Variants in RTL5 observed in about 807,000 individuals in gnomAD.
RTL5 encodes the protein retrotransposon Gag like 5.
Under a neutral mutation model 7.7 loss-of-function variants are expected in RTL5, and 8 were observed. The observed-to-expected ratio is 1.04, with a 90% CI of 0.61 to 1.88. The LOEUF (loss-of-function observed/expected upper bound fraction) is 1.88, where lower values mean the gene tolerates loss of function less well. Ranked by LOEUF, RTL5 falls within the 40% of genes most tolerant of loss-of-function variation. The probability of loss-of-function intolerance (pLI) is 0.00; values close to 1 mark genes in which losing one functional copy is unlikely to be tolerated. For synonymous variants in RTL5, 188 were observed against 191.8 expected, an observed-to-expected ratio of 0.98 and a Z score of 0.16; for missense variants, 457 against 472.7, an observed-to-expected ratio of 0.97 and a Z score of 0.31.
rs1200457741 is a variant in RTL5, at chrX:72,131,790, G to T, written c.-250C>A. On this transcript the variant is annotated 5_prime_UTR_variant, in exon 1 of 1. Transcript: ENST00000609883. ...GGCCGGAGAGGGCGGGCGGAGGCAC[G>T]GGGCCCGGAGGCGCCAGGCGGAGGA... 46 of 231,923 alleles carry T rather than the reference G, an allele frequency of 2.0e-4. 1 individual carries two copies. The Admixed American group carries it at 2.7e-3, about 14-fold the overall frequency. The allele number at this position is 231,923 out of a possible 1,213,427, so 19.1% of individuals were successfully genotyped here.
At chrX:72,130,618 T>A in exon 1 of RTL5, 1 of 1,211,847 alleles carries the variant, frequency 8.3e-7, no homozygotes, top group Non-Finnish European at 1.1e-6. Flanking sequence ...CACTTTTCTT[T>A]CTATCTCCAC....
Position 72,131,203 on chromosome X carries a change from G to A in RTL5, c.338C>T (p.Thr113Ile), listed in dbSNP as rs763777825. 18 of 1,195,430 alleles carry A rather than the reference G, an allele frequency of 1.5e-5. No individual in the cohort carries two copies. In the African/African-American group the frequency reaches 2.9e-4, roughly 19 times the overall value. ...AGGGGGGTCAGCGGGCCCGTCGGGG[G>A]TGCTGCGATCCTGGATCACGTTAAT... The change falls in exon 1 of 1, where the codon ACC becomes ATC. Residue 113 changes from threonine (T) to isoleucine (I), a missense_variant. Physicochemically the swap from Thr to Ile is moderately conservative, Grantham distance 89. Coordinates refer to ENST00000609883, the Ensembl canonical transcript of RTL5.
chrX:72,130,142 G>A (rs1402456185), exon 1 of RTL5: 2 of 1,210,792 alleles, frequency 1.7e-6, no homozygotes, highest in South Asian at 1.8e-5. Flanking sequence ...ATCTCCATCA[G>A]CTCATCTAGG....
exon 1 of RTL5, chrX:72,131,022 G>A: frequency 1.7e-6 from 2 of 1,211,213 alleles, no homozygotes; most frequent in East Asian, 5.9e-5. Flanking sequence ...GGTCGGCTAT[G>A]AAGGTCTCTA....
chrX:72,129,776 G>A (rs2042265047), exon 1 of RTL5: 3 of 1,097,082 alleles, frequency 2.7e-6, no homozygotes, highest in Non-Finnish European at 3.6e-6. Flanking sequence ...AGCAATAGCA[G>A]GGGCGGGGGA....
chrX:72,130,946 C>T, exon 1 of RTL5: 1 of 1,211,864 alleles, frequency 8.3e-7, no homozygotes. Context: ...CAGTCCTTGG[C>T]TTCGCCAGTG....
At chrX:72,130,347 TTCCTCC>T (rs753322291) in exon 1 of RTL5, 5 of 1,157,584 alleles carry the variant, frequency 4.3e-6, no homozygotes, top group African/African-American at 1.8e-5. Flanking sequence ...TCATTTCCTC[TTCCTCC>T]TCCTCCTCCT....
chrX:72,128,544 T>C (rs1412017795), exon 1 of RTL5: 2 of 112,438 alleles, frequency 1.8e-5, no homozygotes, highest in Admixed American at 9.4e-5. Context: ...GGCACCTGAG[T>C]TTGTACCTAG....
chrX:72,130,778 C>CA lies in RTL5; in HGVS notation c.762dup (p.Ala255CysfsTer15). On this transcript the variant is annotated frameshift_variant, in exon 1 of 1. Coordinates refer to ENST00000609883, the Ensembl canonical transcript of RTL5. LOFTEE classifies it low-confidence loss of function (END_TRUNC). ...TGGGCCAGGAACTGAAAAGCATCTG[C>CA]ATAGCTGCCGAGGGTACAGTGGCCC... The CA allele has an allele frequency of 8.3e-7, 1 of 1,211,693 alleles. No homozygotes were observed. Among genetic ancestry groups the CA allele is most frequent in the Non-Finnish European group, 1.1e-6 (1 of 895,369 alleles).
exon 1 of RTL5, chrX:72,130,418 CCTT>C (rs772143269): frequency 7.5e-6 from 9 of 1,198,536 alleles, no homozygotes; most frequent in Non-Finnish European, 1.0e-5. Context: ...TCCTCCTTCT[CCTT>C]CATCTCTTGC....
At chrX:72,127,629 T>TACCTC (rs2042239038), downstream of RTL5, 1 of 40,659 alleles carries the variant, frequency 2.5e-5, no homozygotes, top group Non-Finnish European at 1.2e-4. Context: ...CAGGGTCCAC[T>TACCTC]GCCTCGAAGA....
chrX:72,129,709 G>A, exon 1 of RTL5: 1 of 693,222 alleles, frequency 1.4e-6, no homozygotes, highest in Non-Finnish European at 2.1e-6. Flanking sequence ...GTCTTCTTCA[G>A]GTTCTGCAGG....
exon 1 of RTL5, chrX:72,131,127 T>C (rs1242260871): frequency 3.3e-6 from 4 of 1,199,704 alleles, no homozygotes; most frequent in Non-Finnish European, 1.1e-6. Context: ...GCGGGGGCGG[T>C]TCCTTTGACG....
exon 1 of RTL5, chrX:72,130,108 G>A: frequency 8.3e-7 from 1 of 1,211,051 alleles, no homozygotes; most frequent in African/African-American, 1.7e-5. Flanking sequence ...AGTCTGGGAT[G>A]ACGCGTGAAC....
exon 1 of RTL5, chrX:72,129,812 G>A: frequency 1.0e-5 from 12 of 1,174,156 alleles, no homozygotes; most frequent in Non-Finnish European, 1.4e-5. Context: ...TGTTCTGGGT[G>A]GCCATCTGGC....
At chrX:72,130,103 G>C (rs2042271469) in exon 1 of RTL5, 1 of 1,208,644 alleles carries the variant, frequency 8.3e-7, no homozygotes, top group Non-Finnish European at 1.1e-6. Flanking sequence ...CCAGAAGTCT[G>C]GGATGACGCG....
At position 72,129,845 on chromosome X, in the gene RTL5, G is replaced by A. The variant is rs1300120131; in HGVS notation, c.1696C>T (p.Arg566Ter). The change falls in exon 1 of 1, where the codon CGA (arginine) becomes TGA (stop). Residue 566 changes from arginine to a stop codon, truncating the protein, a stop_gained. Coordinates refer to ENST00000609883, the Ensembl canonical transcript of RTL5. LOFTEE classifies it high-confidence loss of function. The stretch of plus-strand genomic sequence containing the variant: ...GGCCCCAGCACTCAAACTCGAATTC[G>A]GCCACGAGCAGCTCGGTGGCCCCCC... 2.5e-6 allele frequency: 3 copies of A among 1,191,582 alleles called. No individual in the cohort carries two copies. Among genetic ancestry groups the A allele is most frequent in the Admixed American group, 2.3e-5 (1 of 44,148 alleles).
Position 72,131,266 on chromosome X carries a change from G to T in RTL5, c.275C>A (p.Pro92Gln), listed in dbSNP as rs756193136. ...CGAGATACAGTCGGGCTCCGCGCGT[G>T]GGGGAGGCCGGCACAAGAAGGGCAG... Residue 92 changes from proline to glutamine, a missense_variant, in exon 1 of 1, where the codon CCA becomes CAA. Physicochemically the swap from Pro to Gln is moderately conservative, Grantham distance 76. Transcript: ENST00000609883. The T allele has an allele frequency of 5.0e-6, 6 of 1,195,321 alleles. No individual in the cohort carries two copies. Among genetic ancestry groups the T allele is most frequent in the African/African-American group, 1.8e-5 (1 of 55,287 alleles).
chrX:72,131,432 C>G (rs779574417), exon 1 of RTL5: 2 of 1,211,007 alleles, frequency 1.7e-6, no homozygotes, highest in Non-Finnish European at 2.2e-6. Flanking sequence ...AGGGCTCTCC[C>G]GAGCTGGAGG....
Sources: allele counts gnomAD v4.1 joint callset, GRCh38; gene constraint gnomAD v4.1.1; transcripts MANE v1.5; gene names NCBI Gene and HGNC (gene_info 2026-07-23, HGNC 2026-07-21).